Variants in HELZ observed in about 807,000 individuals in gnomAD.
HELZ encodes the protein helicase with zinc finger, also known as ATP-dependent RNA helicase with zinc finger domain.
Under a neutral mutation model 218.2 loss-of-function variants are expected in HELZ, and 23 were observed. The ratio of observed to expected loss-of-function variants is 0.11; its 90% CI spans 0.08 to 0.15. The LOEUF is 0.15. HELZ is among the 10% of genes least tolerant of loss of function. HELZ has a pLI of 1.00. For synonymous variants in HELZ, 814 were observed against 829.4 expected (o/e 0.98, Z 0.32); for missense variants, 1,813 against 2,353.7 (o/e 0.77, Z 4.75).
At position 67,160,406 on chromosome 17, in the gene HELZ, A is replaced by T. The variant is rs1256870091; in HGVS notation, c.2076-44T>A. On this transcript the variant is annotated intron_variant, in intron 16 of 32. Coordinates refer to ENST00000358691, the MANE Select transcript of HELZ (RefSeq NM_014877.4). ...CAAATAAAAAGAATGATAAAACACAAAACTATTCAAGCAGTATAATACCAA... is the reference window on the plus strand; with the variant it reads ...CAAATAAAAAGAATGATAAAACACATAACTATTCAAGCAGTATAATACCAA... The T allele has an allele frequency of 2.2e-6, 3 of 1,357,444 alleles. No individual in the cohort carries two copies. The South Asian group carries it at 3.5e-5, about 16-fold the overall frequency. The allele number at this position is 1,357,444 out of a possible 1,614,324, so 84.1% of individuals were successfully genotyped here.
chr17:67,128,570 A>G (rs1277687778), intron 24 of HELZ, 81 bp downstream of exon 24: 1 of 1,218,748 alleles, frequency 8.2e-7, no homozygotes, highest in Non-Finnish European at 1.2e-6. Flanking sequence ...ACTTAAAGTA[A>G]CTTGCATCCC....
intron 31 of HELZ, among the ~76,000 whole-genome samples, chr17:67,090,586 T>C (rs1172133877): frequency 1.3e-5 from 2 of 152,132 alleles, no homozygotes; most frequent in African/African-American, 4.8e-5. Flanking sequence ...TATAAGACTG[T>C]CCATATGCCA....
intron 14 of HELZ, 30 bp downstream of exon 14, chr17:67,167,433 C>A (rs1347060206): frequency 6.6e-7 from 1 of 1,503,798 alleles, no homozygotes; most frequent in Non-Finnish European, 9.2e-7. Flanking sequence ...CTACAGACCA[C>A]TATGGTTAAG....
Position 67,090,861 on chromosome 17 carries a change from TTTGAATTGTA to T in HELZ, c.5242-3790_5242-3781del, listed in dbSNP as rs199935436. ...TGATTTTCCTTTATTGCTTTTCTGT[TTTGAATTGTA>T]TTGAATTCTGTTCTCATCTTTGAAA... On this transcript the variant is annotated intron_variant, in intron 31 of 32. Coordinates refer to ENST00000358691, the MANE Select transcript of HELZ (RefSeq NM_014877.4). 3.7e-3 allele frequency among the ~76,000 whole-genome samples: 567 copies of T among 152,258 alleles called. 12 individuals carry two copies. Among genetic ancestry groups the T allele is most frequent in the Admixed American group, 0.034 (525 of 15,296 alleles).
intron 5 of HELZ, among the ~76,000 whole-genome samples, chr17:67,213,374 G>A (rs191487948): frequency 1.4e-4 from 22 of 152,106 alleles, no homozygotes; most frequent in African/African-American, 4.3e-4. Context: ...CTGTAATCCC[G>A]GCACTTTGGG....
chr17:67,090,759 C>G (rs2036552026), intron 31 of HELZ, among the ~76,000 whole-genome samples: 1 of 151,956 alleles, frequency 6.6e-6, no homozygotes, highest in Non-Finnish European at 1.5e-5. Context: ...TAGTTTGTAT[C>G]CTCTTTTTGT....
At chr17:67,161,417 C>CA (rs1345664000) in intron 15 of HELZ, among the ~76,000 whole-genome samples, 1 of 151,986 alleles carries the variant, frequency 6.6e-6, no homozygotes, top group Non-Finnish European at 1.5e-5. Flanking sequence ...CCCTCTGTTA[C>CA]AAAAAAGCAT....
In HELZ at chr17:67,160,768, T is replaced by C. The variant is rs923838040; in HGVS notation, c.2075+129A>G. 1.5e-5 allele frequency: 10 copies of C among 668,730 alleles called. No individual in the cohort carries two copies. In the East Asian group the frequency reaches 2.7e-4, roughly 18 times the overall value. The allele number at this position is 668,730 out of a possible 1,614,324, so 41.4% of individuals were successfully genotyped here. ...CTCTGGGGTTTGGATTTACGGCTTT[T>C]CCTTTTCTCTTTTTTTCATGTTTAA... On this transcript the variant is annotated intron_variant, in intron 16 of 32. Transcript: ENST00000358691.
rs1020447157 is a variant in HELZ at position 67,073,087 on chromosome 17, G to A, written c.*5165C>T. ...TCAAATCTTAAAACAGGACAGATCT[G>A]TAAATAGTACTATGTGACTTCTACT... On this transcript the variant is annotated 3_prime_UTR_variant, in exon 33 of 33. Transcript: ENST00000358691. 6.6e-6 allele frequency: 1 copy of A among 152,222 alleles called. No homozygotes were observed. The highest frequency in any genetic ancestry group is 2.4e-5 in the African/African-American group (1 of 41,462). The allele number at this position is 152,222 out of a possible 1,614,324, so 9.4% of individuals were successfully genotyped here.
chr17:67,086,631 AATATATATATATATATATATAT>A (rs71139116), intron 32 of HELZ, among the ~76,000 whole-genome samples, 176 bp downstream of exon 32: 6 of 93,318 alleles, frequency 6.4e-5, no homozygotes, highest in African/African-American at 1.9e-4. Context: ...TATAAATATA[AATATATATATATATATATATAT>A]ATATATATAT....
chr17:67,130,180 G>GT (rs1451172022), intron 23 of HELZ, among the ~76,000 whole-genome samples: 1 of 152,050 alleles, frequency 6.6e-6, no homozygotes, highest in Non-Finnish European at 1.5e-5. Context: ...GATTCAGAAG[G>GT]TAGCGGGGTG....
Position 67,190,173 on chromosome 17 carries a change from A to G in HELZ, c.740T>C (p.Leu247Ser), listed in dbSNP as rs1457054304. The G allele has an allele frequency of 6.2e-7, 1 of 1,612,974 alleles. No individual in the cohort carries two copies. The highest frequency in any genetic ancestry group is 1.1e-5 in the South Asian group (1 of 91,062). ...ETLIEKWMNS[L>S]SPEKVLSECI... ...TTTCCTCACCACTTTCTCAGGAGAC[A>G]ATGAATTCATCCACTTTTCTATCAA... Residue 247 changes from leucine to serine, a missense_variant, in exon 10 of 33, where the codon TTG (leucine) becomes TCG (serine). Leu to Ser is a moderately radical substitution (Grantham distance 145). Around this residue, in one of 4 missense-constraint regions of HELZ, gnomAD observed 714 missense variants for 1,029.2 expected, o/e 0.69. Transcript: ENST00000358691.
intron 13 of HELZ, among the ~76,000 whole-genome samples, chr17:67,171,134 A>G (rs2039299110): frequency 6.7e-6 from 1 of 149,466 alleles, no homozygotes; most frequent in South Asian, 2.1e-4. Flanking sequence ...TTTTCTTCCT[A>G]CCTCTCCTAG....
chr17:67,089,668 T>TATATATATAGAGAG (rs71293575), intron 31 of HELZ, among the ~76,000 whole-genome samples: 36 of 70,622 alleles, frequency 5.1e-4, no homozygotes, highest in African/African-American at 1.8e-3. Context: ...TATATATATA[T>TATATATATAGAGAG]AGAGAGAGAG....
intron 17 of HELZ, among the ~76,000 whole-genome samples, chr17:67,158,019 A>G (rs2038892516): frequency 6.6e-6 from 1 of 152,210 alleles, no homozygotes; most frequent in Non-Finnish European, 1.5e-5. Context: ...CTGAAACTAA[A>G]CATGATCTAA....
rs2035875948 is a variant in HELZ, at chr17:67,071,124, G to T, written c.*7128C>A. On this transcript the variant is annotated 3_prime_UTR_variant, in exon 33 of 33. Coordinates refer to ENST00000358691, the MANE Select transcript of HELZ (RefSeq NM_014877.4). Reference sequence around the variant, plus strand: ...ACTACATATAGCCAGTACCTTTATGGGGTTTAAAGAATCAGGTCAGATGAC... The same window carrying T: ...ACTACATATAGCCAGTACCTTTATGTGGTTTAAAGAATCAGGTCAGATGAC... The T allele has an allele frequency of 6.6e-6, 1 of 152,394 alleles. No homozygotes were observed. The allele number at this position is 152,394 out of a possible 1,614,324, so 9.4% of individuals were successfully genotyped here.
rs1442310593 is a variant in HELZ, at chr17:67,107,239, A to C, written c.5171T>G (p.Ile1724Ser). The change falls in exon 31 of 33, where the codon ATT (isoleucine) becomes AGT (serine). Residue 1724 changes from isoleucine (I) to serine (S), a missense_variant. Physicochemically the swap from Ile to Ser is moderately radical, Grantham distance 142 (BLOSUM62 -2). Transcript: ENST00000358691. ...CAATGGGTGAAATGGCTCTTGACCA[A>C]TAGCATGTTGATGATTCTGTATTTG... The part of the protein sequence containing the change: ...FVQIQNHQHA[I>S]GQEPFHPLSS... 6.2e-7 allele frequency: 1 copy of C among 1,614,188 alleles called. No individual in the cohort carries two copies.
intron 15 of HELZ, among the ~76,000 whole-genome samples, chr17:67,162,734 A>AC (rs1555613887): frequency 3.4e-5 from 5 of 146,186 alleles, no homozygotes; most frequent in African/African-American, 1.3e-4. Flanking sequence ...CTTATTGTTA[A>AC]TTTTTTTTTT....
chr17:67,132,153 T>G (rs2038005555), intron 23 of HELZ, among the ~76,000 whole-genome samples: 1 of 152,200 alleles, frequency 6.6e-6, no homozygotes, highest in Non-Finnish European at 1.5e-5. Context: ...ATTTTCTTTC[T>G]CTGTTAACCT....
Sources: gnomAD v4.1 joint callset for allele counts (sites outside exome capture counted in the v4.1 genomes callset) on GRCh38, gnomAD v4.1.1 for gene constraint, gnomAD v4.1.1 regional missense constraint, MANE v1.5 for transcripts, NCBI Gene and HGNC (gene_info 2026-07-23, HGNC 2026-07-21) for gene names.